Variants in MTHFS observed in about 807,000 individuals in gnomAD.
The protein encoded by MTHFS is 5-formyltetrahydrofolate cyclo-ligase.
In MTHFS, 7 loss-of-function variants were observed where a neutral mutation model predicts 12.7. That is an observed-to-expected ratio of 0.55 (90% CI 0.31 to 1.03). The LOEUF (loss-of-function observed/expected upper bound fraction) is 1.03, where lower values mean the gene tolerates loss of function less well. Ranked by LOEUF, MTHFS falls within the 50% of genes least tolerant of loss-of-function variation. The probability of loss-of-function intolerance (pLI) is 0.05; values close to 1 mark genes in which losing one functional copy is unlikely to be tolerated. For missense variants in MTHFS, 252 were observed against 258.1 expected (o/e 0.98, Z 0.16); for synonymous variants, 100 against 97.1 (o/e 1.03, Z -0.18).
At position 79,873,939 on chromosome 15, in the gene MTHFS, C is replaced by T. The variant is rs2034147452; in HGVS notation, c.379+15154G>A. On this transcript the variant is annotated intron_variant, in intron 2 of 2. Coordinates refer to ENST00000258874, the MANE Select transcript of MTHFS (RefSeq NM_006441.4). ...GAAGGGCTGAGATAAACTCTTCCTA[C>T]ATACCTGGCTGACTAGAAACTATAG... is the stretch of plus-strand genomic sequence containing the variant. Among the ~76,000 whole-genome samples, 6 of 152,308 alleles carry T rather than the reference C, an allele frequency of 3.9e-5. No individual in the cohort carries two copies. The South Asian group carries it at 1.2e-3, about 32-fold the overall frequency.
At chr15:79,866,990 G>GAA (rs34085909) in intron 2 of MTHFS, among the ~76,000 whole-genome samples, 78 of 147,330 alleles carry the variant, frequency 5.3e-4, no homozygotes, top group African/African-American at 1.5e-3. Context: ...AAAAAGAAAA[G>GAA]AAAAAAAAAA....
chr15:79,896,689 CA>C (rs1423937640), intron 1 of MTHFS, 182 bp downstream of exon 1: 15 of 1,147,650 alleles, frequency 1.3e-5, no homozygotes, highest in Non-Finnish European at 1.8e-5. Context: ...GCCATAGTGC[CA>C]AGAGCGTCCA....
At chr15:79,870,956 A>G (rs907483255) in intron 2 of MTHFS, among the ~76,000 whole-genome samples, 2 of 152,120 alleles carry the variant, frequency 1.3e-5, no homozygotes, top group African/African-American at 2.4e-5. Flanking sequence ...CAGCCTGGTC[A>G]ACATGGTGAA....
intron 2 of MTHFS, chr15:79,877,491 G>A (rs763827348): frequency 4.6e-5 from 7 of 152,064 alleles, no homozygotes; most frequent in Non-Finnish European, 1.0e-4. Flanking sequence ...ACGAGGTCAG[G>A]AAATCAAGAC....
rs1364043652 is a variant in MTHFS at position 79,889,153 on chromosome 15, T to C, written c.319A>G (p.Thr107Ala). ...SPEEISLLPK[T>A]SWNIPQPGEG... ...CCAGGCTGAGGGATATTCCAGGATG[T>C]TTTGGGAAGTAAAGAAATTTCCTCT... The change falls in exon 2 of 3, where the codon ACA (threonine) becomes GCA (alanine). Residue 107 changes from threonine to alanine, a missense_variant. Physicochemically the swap from Thr to Ala is moderately conservative, Grantham distance 58 (BLOSUM62 0). Coordinates refer to ENST00000258874, the MANE Select transcript of MTHFS (RefSeq NM_006441.4). The C allele has an allele frequency of 1.2e-6, 2 of 1,614,156 alleles. No homozygotes were observed. Among genetic ancestry groups the C allele is most frequent in the Admixed American group, 3.3e-5 (2 of 60,018 alleles).
intron 2 of MTHFS, among the ~76,000 whole-genome samples, chr15:79,868,086 T>C (rs1243009884): frequency 6.6e-6 from 1 of 152,226 alleles, no homozygotes; most frequent in African/African-American, 2.4e-5. Flanking sequence ...AGCACAGTGC[T>C]AGGAGACAGT....
intron 2 of MTHFS, among the ~76,000 whole-genome samples, chr15:79,871,923 T>C (rs2034113004): frequency 6.6e-6 from 1 of 151,554 alleles, no homozygotes; most frequent in South Asian, 2.1e-4. Flanking sequence ...GCCAACATGG[T>C]GAAACCCCAT....
intron 1 of MTHFS, among the ~76,000 whole-genome samples, chr15:79,890,696 C>G (rs1053023847): frequency 1.3e-5 from 2 of 152,060 alleles, no homozygotes; most frequent in Admixed American, 6.5e-5. Context: ...GATACAGGAA[C>G]AGTAAGTCAG....
At chr15:79,877,958 A>C (rs887439826) in intron 2 of MTHFS, 4 of 152,088 alleles carry the variant, frequency 2.6e-5, no homozygotes, top group African/African-American at 7.2e-5. Context: ...AGATAAACAA[A>C]AACTGAGAGA....
At chr15:79,852,944 A>G (rs560164594) in intron 2 of MTHFS, among the ~76,000 whole-genome samples, 1 of 152,356 alleles carries the variant, frequency 6.6e-6, no homozygotes, top group Non-Finnish European at 1.5e-5. Flanking sequence ...GAAAAAGCTA[A>G]TAAGAAATGT....
Position 79,887,737 on chromosome 15 carries a change from C to T in MTHFS, c.379+1356G>A, listed in dbSNP as rs113554617. On this transcript the variant is annotated intron_variant, in intron 2 of 2. Coordinates refer to ENST00000258874, the MANE Select transcript of MTHFS (RefSeq NM_006441.4). ...CTTATTATCTCATTGCCTTAAAATG[C>T]TTGCAATCTTTCCCCTTGAAAATAT... Among the ~76,000 whole-genome samples, 39 of 152,300 alleles carry T rather than the reference C, an allele frequency of 2.6e-4. 1 individual carries two copies. The highest frequency in any genetic ancestry group is 9.4e-4 in the African/African-American group (39 of 41,568).
chr15:79,864,807 CAGAG>C (rs1158551420), intron 2 of MTHFS, among the ~76,000 whole-genome samples: 2 of 152,090 alleles, frequency 1.3e-5, no homozygotes, highest in Non-Finnish European at 2.9e-5. Context: ...AAGAAAAAGG[CAGAG>C]TGGACATAAT....
At position 79,849,446 on chromosome 15, in the gene MTHFS, C is replaced by G. The variant is rs563115755; in HGVS notation, c.380-4004G>C. ...TGGGAACACTATGCTGGATGTTTTT[C>G]CTCCTCAAAGGTGACAGCTCAGTGG... On this transcript the variant is annotated intron_variant, in intron 2 of 2. Coordinates refer to ENST00000258874, the MANE Select transcript of MTHFS (RefSeq NM_006441.4). Among the ~76,000 whole-genome samples, 3 of 152,276 alleles carry G rather than the reference C, an allele frequency of 2.0e-5. No homozygotes were observed. In the South Asian group the frequency reaches 6.2e-4, roughly 32 times the overall value.
rs573760132 is a variant in MTHFS, at chr15:79,875,231, G to A, written c.379+13862C>T. Among the ~76,000 whole-genome samples the A allele has an allele frequency of 4.6e-5, 7 of 151,818 alleles. No individual in the cohort carries two copies. The South Asian group carries it at 6.2e-4, about 14-fold the overall frequency. On this transcript the variant is annotated intron_variant, in intron 2 of 2. Transcript: ENST00000258874. ...ATGTTCTTCTGCCATGGCTTCAGCC[G>A]GTCCCTCCGTTCAGGGTCCCTGACT...
intron 2 of MTHFS, among the ~76,000 whole-genome samples, chr15:79,845,751 A>G (rs1243443477): frequency 1.3e-5 from 2 of 152,154 alleles, no homozygotes; most frequent in East Asian, 1.9e-4. Flanking sequence ...TCTTTTTTCT[A>G]GCATCCTGGT....
At chr15:79,878,341 C>T (rs773767677) in intron 2 of MTHFS, among the ~76,000 whole-genome samples, 57 of 151,704 alleles carry the variant, frequency 3.8e-4, no homozygotes, top group African/African-American at 1.3e-3. Context: ...CAGCACTTGA[C>T]GCTTATACAC....
Position 79,845,340 on chromosome 15 carries a change from A to G in MTHFS, c.482T>C (p.Leu161Ser). ...GYYDAYLKRCLQHQEVKPYTL... is the reference protein window; with the variant it reads ...GYYDAYLKRCSQHQEVKPYTL... ...GTAGGGCTTCACTTCCTGATGCTGC[A>G]AACAGCGCTTCAGATAGGCATCATA... The change falls in exon 3 of 3, where the codon TTG becomes TCG. Residue 161 changes from leucine (L) to serine (S), a missense_variant. Leu to Ser is a moderately radical substitution (Grantham distance 145). Coordinates refer to ENST00000258874, the MANE Select transcript of MTHFS (RefSeq NM_006441.4). 12 of 1,614,190 alleles carry G rather than the reference A, an allele frequency of 7.4e-6. No individual in the cohort carries two copies. The highest frequency in any genetic ancestry group is 1.7e-5 in the Admixed American group (1 of 60,018).
rs568938379 is a variant in MTHFS, at chr15:79,875,011, T to C, written c.379+14082A>G. 2.6e-5 allele frequency among the ~76,000 whole-genome samples: 4 copies of C among 152,084 alleles called. No individual in the cohort carries two copies. The South Asian group carries it at 8.3e-4, about 32-fold the overall frequency. Reference sequence around the variant, plus strand: ...TCCTGAGGCGACACACATCCCCAGCTTACAAAGATGATGGGATTAAGAGAT... The same window carrying C: ...TCCTGAGGCGACACACATCCCCAGCCTACAAAGATGATGGGATTAAGAGAT... On this transcript the variant is annotated intron_variant, in intron 2 of 2. Transcript: ENST00000258874.
Position 79,889,295 on chromosome 15 carries a change from T to C in MTHFS, c.177A>G (p.Gln59=), listed in dbSNP as rs771059387. ...SKRISIFLSM[Q]DEIETEEIIK... ...TGATCTCTTCTGTCTCAATTTCATC[T>C]TGCATGCTCAGAAAGATGGAAATTC... The change falls in exon 2 of 3, where the codon CAA becomes CAG. Residue 59 remains glutamine (Q), a synonymous_variant. Coordinates refer to ENST00000258874, the MANE Select transcript of MTHFS (RefSeq NM_006441.4). 23 of 1,614,104 alleles carry C rather than the reference T, an allele frequency of 1.4e-5. No homozygotes were observed. The highest frequency in any genetic ancestry group is 1.9e-5 in the Non-Finnish European group (23 of 1,180,048).
Sources: allele counts gnomAD v4.1 joint callset (sites outside exome capture counted in the v4.1 genomes callset), GRCh38; gene constraint gnomAD v4.1.1; transcripts MANE v1.5; gene names NCBI Gene and HGNC (gene_info 2026-07-23, HGNC 2026-07-21).